RUNX1: variants seen among roughly 807,000 people sequenced by gnomAD.
The protein encoded by RUNX1 is RUNX family transcription factor 1, also known as runt-related transcription factor 1.
In RUNX1, 19 loss-of-function variants were observed where a neutral mutation model predicts 42.8. The ratio of observed to expected loss-of-function variants is 0.44; its 90% CI spans 0.31 to 0.65. The LOEUF is 0.65. Ranked by LOEUF, RUNX1 falls within the 30% of genes least tolerant of loss-of-function variation. The pLI is 0.07. For synonymous variants in RUNX1, 271 were observed against 289.4 expected, an observed-to-expected ratio of 0.94 and a Z score of 0.64; for missense variants, 528 against 672.0, an observed-to-expected ratio of 0.79 and a Z score of 2.37.
At chr21:34,804,876 G>C (rs2056657670) in intron 7 of RUNX1, among the ~76,000 whole-genome samples, 1 of 151,852 alleles carries the variant, frequency 6.6e-6, no homozygotes. Context: ...CGAGTAGCTG[G>C]GATTACAGGC....
At chr21:35,049,115 TA>T (rs79420744) in intron 1 of RUNX1, 52 bp downstream of exon 1, 107,519 of 414,146 alleles carry the variant, frequency 0.26, 86 homozygotes, top group South Asian at 0.36. Flanking sequence ...TGTTAAAGAT[TA>T]AAAAAAAAAA....
At chr21:34,861,795 C>T (rs1338626220) in intron 5 of RUNX1, among the ~76,000 whole-genome samples, 1 of 152,154 alleles carries the variant, frequency 6.6e-6, no homozygotes, top group Non-Finnish European at 1.5e-5. Flanking sequence ...CACTTGTTTT[C>T]CAGGCAGCCT....
intron 2 of RUNX1, among the ~76,000 whole-genome samples, chr21:35,007,438 C>T (rs1456540600): frequency 6.6e-6 from 1 of 152,156 alleles, no homozygotes; most frequent in Admixed American, 6.5e-5. Context: ...GTTGGGTCTC[C>T]ATCCCTGCAT....
chr21:34,941,765 T>G (rs1026119769), intron 2 of RUNX1, among the ~76,000 whole-genome samples: 4 of 152,170 alleles, frequency 2.6e-5, no homozygotes, highest in African/African-American at 9.6e-5. Flanking sequence ...TATGGAAGGC[T>G]GAAAATAGTT....
At chr21:34,861,342 G>C (rs2057572383) in intron 5 of RUNX1, among the ~76,000 whole-genome samples, 1 of 152,154 alleles carries the variant, frequency 6.6e-6, no homozygotes, top group Admixed American at 6.5e-5. Flanking sequence ...GCAGGTCCTG[G>C]GGGCAACTGC....
chr21:34,873,258 T>C (rs1312480062), intron 5 of RUNX1, among the ~76,000 whole-genome samples: 1 of 152,164 alleles, frequency 6.6e-6, no homozygotes, highest in Non-Finnish European at 1.5e-5. Context: ...AATCTGCCCA[T>C]ATTCCTGTGA....
At chr21:34,806,023 CAT>C (rs2056674377) in intron 7 of RUNX1, among the ~76,000 whole-genome samples, 1 of 152,058 alleles carries the variant, frequency 6.6e-6, no homozygotes, top group Admixed American at 6.5e-5. Flanking sequence ...AAAATGGAAT[CAT>C]ATAAAATGTT....
chr21:34,992,593 G>C (rs2146835337), intron 2 of RUNX1, among the ~76,000 whole-genome samples: 1 of 149,104 alleles, frequency 6.7e-6, no homozygotes, highest in East Asian at 2.0e-4. Context: ...GGTGATTTCA[G>C]AGAGTGATAA....
intron 5 of RUNX1, among the ~76,000 whole-genome samples, chr21:34,865,969 G>A (rs554919710): frequency 3.3e-5 from 5 of 152,306 alleles, no homozygotes; most frequent in African/African-American, 9.6e-5. Context: ...TCTGACGGGC[G>A]AGCCCCGACT....
chr21:34,802,731 T>C (rs1040925952), intron 7 of RUNX1, among the ~76,000 whole-genome samples: 1 of 152,164 alleles, frequency 6.6e-6, no homozygotes, highest in Non-Finnish European at 1.5e-5. Flanking sequence ...TATTACATGC[T>C]TATGTTCTGC....
intron 7 of RUNX1, among the ~76,000 whole-genome samples, chr21:34,804,206 G>A (rs925025165): frequency 2.0e-5 from 3 of 152,192 alleles, no homozygotes; most frequent in Admixed American, 6.5e-5. Flanking sequence ...GTACAGACTA[G>A]TGTGCGAATA....
At chr21:34,804,838 G>A (rs1356886243) in intron 7 of RUNX1, among the ~76,000 whole-genome samples, 1 of 151,868 alleles carries the variant, frequency 6.6e-6, no homozygotes, top group Non-Finnish European at 1.5e-5. Context: ...CGCCTCCTGG[G>A]TTCAAGTGAT....
At chr21:34,966,367 C>A (rs2058718350) in intron 2 of RUNX1, among the ~76,000 whole-genome samples, 1 of 152,184 alleles carries the variant, frequency 6.6e-6, no homozygotes, top group Non-Finnish European at 1.5e-5. Context: ...ATTTATTTAA[C>A]CTTACAATGC....
chr21:34,793,888 G>C (rs1415318123), intron 8 of RUNX1, among the ~76,000 whole-genome samples: 1 of 151,888 alleles, frequency 6.6e-6, no homozygotes, highest in African/African-American at 2.4e-5. Context: ...ATTTTTAGTG[G>C]AGATGAGATT....
chr21:34,956,134 G>T (rs900165274), intron 2 of RUNX1, among the ~76,000 whole-genome samples: 3 of 152,146 alleles, frequency 2.0e-5, no homozygotes, highest in Admixed American at 2.0e-4. Flanking sequence ...GGAGATGTGG[G>T]TTTTGGCACA....
rs139620350 is a variant in RUNX1 at position 34,966,313 on chromosome 21, T to C, written c.59-73350A>G. Among the ~76,000 whole-genome samples the C allele has an allele frequency of 4.5e-3, 692 of 152,314 alleles. 5 individuals are homozygous for C. Among genetic ancestry groups the C allele is most frequent in the Middle Eastern group, 0.014 (4 of 294 alleles). ...ATGATAAGCAAACATTTTTCAAGGG[T>C]TTACTAAGTGCCTCACGCCACTTTA... On this transcript the variant is annotated intron_variant, in intron 2 of 8. Transcript: ENST00000675419.
chr21:34,902,824 C>T (rs1205319282), intron 2 of RUNX1, among the ~76,000 whole-genome samples: 1 of 152,142 alleles, frequency 6.6e-6, no homozygotes, highest in Non-Finnish European at 1.5e-5. Flanking sequence ...GCTCCAGGAA[C>T]ATTTATGCAA....
intron 6 of RUNX1, among the ~76,000 whole-genome samples, chr21:34,854,410 C>T (rs922043507): frequency 1.3e-5 from 2 of 152,014 alleles, no homozygotes; most frequent in East Asian, 1.9e-4. Context: ...CTCCACCTTA[C>T]CATCTCTATG....
chr21:34,971,676 A>G (rs2058764625), intron 2 of RUNX1, among the ~76,000 whole-genome samples: 1 of 152,166 alleles, frequency 6.6e-6, no homozygotes, highest in Non-Finnish European at 1.5e-5. Flanking sequence ...GAGGGAATAC[A>G]GGCCTAACTA....
Sources: gnomAD v4.1 joint callset for allele counts (sites outside exome capture counted in the v4.1 genomes callset) on GRCh38, gnomAD v4.1.1 for gene constraint, MANE v1.5 for transcripts, NCBI Gene and HGNC (gene_info 2026-07-23, HGNC 2026-07-21) for gene names.